The following ITGA9 variants were observed in gnomAD, a reference collection of about 807,000 sequenced individuals.
ITGA9 encodes integrin alpha-9.
A neutral mutation model predicts 127.8 loss-of-function variants in ITGA9; 56 were observed. That is an observed-to-expected ratio of 0.44 (90% confidence interval 0.35 to 0.55). The LOEUF is 0.55. Among genes scored for constraint, ITGA9 ranks in the 20% least tolerant of loss-of-function variants. The pLI is 0.00. For synonymous variants in ITGA9, 508 were observed against 514.5 expected, an observed-to-expected ratio of 0.99 and a Z score of 0.17; for missense variants, 1,196 against 1,347.1, an observed-to-expected ratio of 0.89 and a Z score of 1.76.
intron 18 of ITGA9, among the ~76,000 whole-genome samples, chr3:37,723,823 A>G (rs1478999582): frequency 6.6e-6 from 1 of 152,234 alleles, no homozygotes; most frequent in Non-Finnish European, 1.5e-5. Flanking sequence ...GTGAGTTAGT[A>G]AACAAAGTGG....
intron 19 of ITGA9, 185 bp downstream of exon 19, chr3:37,732,983 G>A (rs769134837): frequency 6.3e-6 from 4 of 635,506 alleles, no homozygotes; most frequent in Non-Finnish European, 1.1e-5. Context: ...ATACTCCGGA[G>A]GGGCTGCATC....
chr3:37,803,383 G>A (rs1256559804), intron 26 of ITGA9, among the ~76,000 whole-genome samples: 1 of 152,182 alleles, frequency 6.6e-6, no homozygotes, highest in Non-Finnish European at 1.5e-5. Context: ...TCGTTCAGCG[G>A]AGCTTATGTA....
At chr3:37,578,269 C>T (rs1287584906) in intron 15 of ITGA9, among the ~76,000 whole-genome samples, 5 of 152,060 alleles carry the variant, frequency 3.3e-5, no homozygotes, top group Non-Finnish European at 2.9e-5. Flanking sequence ...AATTTTAGTT[C>T]GTTGCTGGGA....
chr3:37,784,977 G>A lies in ITGA9; in HGVS notation c.2788G>A (p.Asp930Asn). ...MLLNTEILKK[D>N]SSSVIQFMSR... Reference sequence around the variant, plus strand: ...GTAAGTTGTGTTGTTTCTTCCACAGGACAGTTCGTCTGTCATCCAGTTCAT... The same window carrying A: ...GTAAGTTGTGTTGTTTCTTCCACAGAACAGTTCGTCTGTCATCCAGTTCAT... Residue 930 changes from aspartate to asparagine, a missense_variant and splice_region_variant, in exon 26 of 28, where the codon GAC (aspartate) becomes AAC (asparagine). Transcript: ENST00000264741. 1 of 1,612,938 alleles carries A rather than the reference G, an allele frequency of 6.2e-7. No individual in the cohort carries two copies. Among genetic ancestry groups the A allele is most frequent in the Non-Finnish European group, 8.5e-7 (1 of 1,178,926 alleles).
intron 15 of ITGA9, among the ~76,000 whole-genome samples, chr3:37,565,832 G>T (rs1699541303): frequency 6.6e-6 from 1 of 152,240 alleles, no homozygotes; most frequent in Non-Finnish European, 1.5e-5. Flanking sequence ...AGGGACCCCA[G>T]TGTGGAACCC....
At position 37,600,968 on chromosome 3, in the gene ITGA9, A is replaced by G. The variant is rs1243236799; in HGVS notation, c.1690-28219A>G. 3.3e-5 allele frequency among the ~76,000 whole-genome samples: 5 copies of G among 152,352 alleles called. No homozygotes were observed. The South Asian group carries it at 1.0e-3, about 32-fold the overall frequency. ...TAGGATATAGTAAAATGCAAATGCT[A>G]GTTTAGTAAATGGCATAAAGACATT... On this transcript the variant is annotated intron_variant, in intron 15 of 27. Coordinates refer to ENST00000264741, the MANE Select transcript of ITGA9 (RefSeq NM_002207.3).
chr3:37,608,799 G>A (rs1699992475), intron 15 of ITGA9, among the ~76,000 whole-genome samples: 1 of 152,096 alleles, frequency 6.6e-6, no homozygotes, highest in South Asian at 2.1e-4. Context: ...GTTTCTTTGA[G>A]GTTTTCTCTG....
At chr3:37,512,913 T>A (rs2125576965) in intron 8 of ITGA9, among the ~76,000 whole-genome samples, 1 of 152,322 alleles carries the variant, frequency 6.6e-6, no homozygotes, top group East Asian at 1.9e-4. Context: ...CTGTTGGTAT[T>A]TGGGTTTGAG....
At chr3:37,481,990 AG>A (rs1698560965) in intron 4 of ITGA9, among the ~76,000 whole-genome samples, 4 of 152,196 alleles carry the variant, frequency 2.6e-5, no homozygotes, top group Admixed American at 2.6e-4. Context: ...TCTGGACCTC[AG>A]TTTCCTTGTC....
chr3:37,736,259 A>G (rs566811292), intron 19 of ITGA9, among the ~76,000 whole-genome samples: 116 of 152,288 alleles, frequency 7.6e-4, no homozygotes, highest in African/African-American at 2.6e-3. Flanking sequence ...CATTCAGCGC[A>G]TAAGACTTTT....
At chr3:37,568,495 T>C (rs1228883972) in intron 15 of ITGA9, among the ~76,000 whole-genome samples, 1 of 152,238 alleles carries the variant, frequency 6.6e-6, no homozygotes, top group Non-Finnish European at 1.5e-5. Flanking sequence ...AAAATGGATT[T>C]TTCTTTTCTA....
chr3:37,491,131 C>T (rs1698668595), intron 4 of ITGA9, among the ~76,000 whole-genome samples: 1 of 152,064 alleles, frequency 6.6e-6, no homozygotes, highest in Non-Finnish European at 1.5e-5. Context: ...TGTGCACCAC[C>T]GCATCCAGCT....
At chr3:37,573,674 C>T (rs187310126) in intron 15 of ITGA9, among the ~76,000 whole-genome samples, 5 of 152,208 alleles carry the variant, frequency 3.3e-5, no homozygotes, top group African/African-American at 7.2e-5. Flanking sequence ...CGAGAGAGTG[C>T]GGTTGTCTGG....
chr3:37,477,567 A>G (rs1057147277), intron 3 of ITGA9, among the ~76,000 whole-genome samples: 7 of 152,308 alleles, frequency 4.6e-5, no homozygotes, highest in Middle Eastern at 3.4e-3. Flanking sequence ...GGATGTAAAG[A>G]TAGCATCAGG....
At chr3:37,558,603 T>C (rs1699453789) in intron 15 of ITGA9, among the ~76,000 whole-genome samples, 1 of 152,184 alleles carries the variant, frequency 6.6e-6, no homozygotes, top group Admixed American at 6.5e-5. Flanking sequence ...CACTCTCAAG[T>C]GTTCCGATTT....
rs1247211175 is a variant in ITGA9, at chr3:37,629,204, C to T, written c.1707C>T (p.Val569=). 1.9e-6 allele frequency: 3 copies of T among 1,613,002 alleles called. No homozygotes were observed. Among genetic ancestry groups the T allele is most frequent in the East Asian group, 2.2e-5 (1 of 44,880 alleles). The part of the protein sequence containing the change: ...VAHVKRRVQD[V]ISPIVFEAAY... ...TGTTTCAGCGGAGGGTGCAGGACGT[C>T]ATCAGCCCGATCGTGTTTGAAGCAG... The change falls in exon 16 of 28, where the codon GTC becomes GTT. Residue 569 remains valine, a synonymous_variant. Coordinates refer to ENST00000264741, the MANE Select transcript of ITGA9 (RefSeq NM_002207.3). This position sits in a 1 kb window ranked among gnomAD's most constrained non-coding sequence, Gnocchi z 4.5.
rs10581492 is a variant in ITGA9, at chr3:37,623,691, CTGTGTGTG to C, written c.1690-5478_1690-5471del. On this transcript the variant is annotated intron_variant, in intron 15 of 27. Transcript: ENST00000264741. ...TGTGTGTATGTGTGTGTGTGTGTGT[CTGTGTGTG>C]TGTGTGTGTGTGTGTGTCCAGCTTT... is the stretch of plus-strand genomic sequence containing the variant. Among the ~76,000 whole-genome samples the C allele has an allele frequency of 6.7e-5, 10 of 149,342 alleles. No homozygotes were observed. The East Asian group carries it at 1.8e-3, about 26-fold the overall frequency.
At chr3:37,455,548 CT>C (rs766243861) in intron 1 of ITGA9, among the ~76,000 whole-genome samples, 1 of 152,074 alleles carries the variant, frequency 6.6e-6, no homozygotes, top group Non-Finnish European at 1.5e-5. Context: ...ATCACAAATA[CT>C]CGTCAAAATG....
chr3:37,495,446 C>CACTT (rs1190284182), intron 5 of ITGA9, among the ~76,000 whole-genome samples: 2 of 152,208 alleles, frequency 1.3e-5, no homozygotes, highest in Non-Finnish European at 2.9e-5. Flanking sequence ...CTCTCTCAAA[C>CACTT]ACTTTCATGA....
Sources: gnomAD v4.1 joint callset for allele counts (sites outside exome capture counted in the v4.1 genomes callset) on GRCh38, gnomAD v4.1.1 for gene constraint, Gnocchi (gnomAD v3.1) non-coding constraint, MANE v1.5 for transcripts, NCBI Gene and HGNC (gene_info 2026-07-23, HGNC 2026-07-21) for gene names.